FHIP1A: variants seen among roughly 807,000 people sequenced by gnomAD.
FHIP1A encodes the protein FHF complex subunit HOOK-interacting protein 1A.
In FHIP1A, 61 loss-of-function variants were observed where a neutral mutation model predicts 88.6. The observed-to-expected ratio is 0.69, with a 90% confidence interval of 0.56 to 0.85. FHIP1A has a LOEUF of 0.85. FHIP1A is among the 40% of genes least tolerant of loss of function. The probability of loss-of-function intolerance (pLI) is 0.00; values close to 1 mark genes in which losing one functional copy is unlikely to be tolerated. For missense variants in FHIP1A, 1,154 were observed against 1,273.5 expected, an observed-to-expected ratio of 0.91 and a Z score of 1.43; for synonymous variants, 478 against 496.0, an observed-to-expected ratio of 0.96 and a Z score of 0.48.
At chr4:151,539,350 G>A (rs1197033985) in intron 3 of FHIP1A, among the ~76,000 whole-genome samples, 1 of 152,126 alleles carries the variant, frequency 6.6e-6, no homozygotes, top group Non-Finnish European at 1.5e-5. Flanking sequence ...GGGAGGCTGA[G>A]GCAGGTGGAT....
At chr4:151,523,233 G>GT (rs199879909) in intron 3 of FHIP1A, among the ~76,000 whole-genome samples, 4 of 151,872 alleles carry the variant, frequency 2.6e-5, no homozygotes, top group African/African-American at 4.8e-5. Flanking sequence ...ATATTTCAGG[G>GT]TTTTTTTTGG....
At chr4:151,543,505 A>C (rs972785779) in intron 3 of FHIP1A, among the ~76,000 whole-genome samples, 4 of 152,214 alleles carry the variant, frequency 2.6e-5, no homozygotes, top group Admixed American at 2.6e-4. Flanking sequence ...TGGAATATGG[A>C]GACACCAAAG....
intron 4 of FHIP1A, among the ~76,000 whole-genome samples, chr4:151,567,585 G>A (rs973435222): frequency 1.5e-4 from 23 of 152,040 alleles, no homozygotes; most frequent in African/African-American, 5.1e-4. Context: ...ATAACCTTTG[G>A]CTTTGCACTT....
Position 151,649,819 on chromosome 4 carries a change from T to C in FHIP1A, c.1778T>C (p.Val593Ala), listed in dbSNP as rs1383218594. Residue 593 changes from valine (V) to alanine (A), a missense_variant, in exon 11 of 14, where the codon GTG (valine) becomes GCG (alanine). Transcript: ENST00000435205. ...YDTGISSGADVGSPGPYDDLE... is the reference protein window; with the variant it reads ...YDTGISSGADAGSPGPYDDLE... Reference sequence around the variant, plus strand: ...ACTGGAATCTCCTCAGGGGCTGACGTGGGCTCCCCAGGGCCTTATGATGAT... The same window carrying C: ...ACTGGAATCTCCTCAGGGGCTGACGCGGGCTCCCCAGGGCCTTATGATGAT... 11 of 1,551,650 alleles carry C rather than the reference T, an allele frequency of 7.1e-6. No individual in the cohort carries two copies. The highest frequency in any genetic ancestry group is 6.8e-5 in the African/African-American group (5 of 73,146).
At chr4:151,483,428 G>A (rs1408240334) in intron 3 of FHIP1A, among the ~76,000 whole-genome samples, 1 of 152,086 alleles carries the variant, frequency 6.6e-6, no homozygotes, top group East Asian at 1.9e-4. Flanking sequence ...GAATCAGAAT[G>A]GTAGGGGCAG....
At chr4:151,542,564 C>T (rs56319216) in intron 3 of FHIP1A, among the ~76,000 whole-genome samples, 42,802 of 152,026 alleles carry the variant, frequency 0.28, 6,397 homozygotes, top group Non-Finnish European at 0.34. Flanking sequence ...CCATGTTTAT[C>T]TGCCAGACTC....
At chr4:151,582,228 T>C (rs1170602766) in intron 5 of FHIP1A, among the ~76,000 whole-genome samples, 2 of 152,194 alleles carry the variant, frequency 1.3e-5, no homozygotes, top group African/African-American at 4.8e-5. Flanking sequence ...CCAGGTGTTA[T>C]GCTGCGAGCT....
chr4:151,458,437 C>T (rs1729040160), intron 2 of FHIP1A, among the ~76,000 whole-genome samples: 1 of 151,934 alleles, frequency 6.6e-6, no homozygotes, highest in Non-Finnish European at 1.5e-5. Flanking sequence ...TCACCAGGTA[C>T]TTTGGGAAGT....
chr4:151,649,447 C>T lies in FHIP1A; in HGVS notation c.1418-12C>T, dbSNP rs1433303384. The T allele has an allele frequency of 1.3e-6, 2 of 1,533,266 alleles. No homozygotes were observed. The highest frequency in any genetic ancestry group is 2.7e-5 in the African/African-American group (2 of 72,914). 95.0% of individuals were successfully genotyped at this position (1,533,266 alleles called of 1,614,324 possible). A position where few individuals can be genotyped will look rare whatever the true frequency, so the allele number is the denominator to read the frequency against. On this transcript the variant is annotated splice_polypyrimidine_tract_variant and intron_variant, in intron 10 of 13. Coordinates refer to ENST00000435205, the MANE Select transcript of FHIP1A (RefSeq NM_001109977.3). ...CCTCCCTTGTTCTAACCAGCCTCTG[C>T]CTCCTGTGCAGGGCCTGTGGAGCGG...
chr4:151,558,347 C>A (rs181884831), intron 3 of FHIP1A, among the ~76,000 whole-genome samples: 25 of 152,024 alleles, frequency 1.6e-4, no homozygotes, highest in African/African-American at 5.5e-4. Flanking sequence ...ACCAGCTTGG[C>A]CAACATAGTG....
chr4:151,639,537 C>T (rs1665283078), intron 9 of FHIP1A, among the ~76,000 whole-genome samples: 1 of 152,220 alleles, frequency 6.6e-6, no homozygotes, highest in South Asian at 2.1e-4. Context: ...CCCCGAATCT[C>T]TGCACAGAAC....
intron 3 of FHIP1A, among the ~76,000 whole-genome samples, chr4:151,558,674 A>G (rs886879406): frequency 7.9e-5 from 12 of 152,208 alleles, no homozygotes; most frequent in African/African-American, 2.4e-4. Flanking sequence ...AGCTACATTT[A>G]CTTTGACCGA....
chr4:151,413,579 C>G (rs575589284), intron 1 of FHIP1A, among the ~76,000 whole-genome samples: 4 of 152,088 alleles, frequency 2.6e-5, no homozygotes, highest in Admixed American at 2.6e-4. Context: ...CTCAACCTCC[C>G]GAGTAGCTGG....
chr4:151,575,176 G>A (rs1733739894), intron 4 of FHIP1A, among the ~76,000 whole-genome samples: 2 of 152,102 alleles, frequency 1.3e-5, no homozygotes, highest in Admixed American at 1.3e-4. Context: ...TTTACCCTGA[G>A]GCCTAGCTGT....
intron 1 of FHIP1A, among the ~76,000 whole-genome samples, chr4:151,449,641 A>T (rs1464984636): frequency 1.3e-5 from 2 of 151,980 alleles, no homozygotes; most frequent in Non-Finnish European, 2.9e-5. Context: ...CTCCTGTCTA[A>T]CTGTAACCTT....
intron 2 of FHIP1A, among the ~76,000 whole-genome samples, chr4:151,472,010 C>T (rs1399759438): frequency 6.6e-6 from 1 of 152,062 alleles, no homozygotes; most frequent in Non-Finnish European, 1.5e-5. Flanking sequence ...TTTATCTTCT[C>T]ATTGATCGAT....
intron 7 of FHIP1A, among the ~76,000 whole-genome samples, chr4:151,604,766 T>C (rs1735007191): frequency 6.6e-6 from 1 of 151,854 alleles, no homozygotes; most frequent in Non-Finnish European, 1.5e-5. Flanking sequence ...GGAGAATTGC[T>C]TGAACCCAGG....
At chr4:151,657,824 A>G (rs1215736569) in intron 13 of FHIP1A, among the ~76,000 whole-genome samples, 1 of 152,186 alleles carries the variant, frequency 6.6e-6, no homozygotes, top group Admixed American at 6.5e-5. Context: ...CCTTTCAAAG[A>G]AGCTGAAAAG....
At chr4:151,638,423 T>C (rs1034192165) in intron 8 of FHIP1A, among the ~76,000 whole-genome samples, 1 of 151,892 alleles carries the variant, frequency 6.6e-6, no homozygotes, top group East Asian at 1.9e-4. Context: ...GTTGGAAATA[T>C]GAGCCCAGAC....
Sources: allele counts gnomAD v4.1 joint callset (sites outside exome capture counted in the v4.1 genomes callset), GRCh38; gene constraint gnomAD v4.1.1; transcripts MANE v1.5; gene names NCBI Gene and HGNC (gene_info 2026-07-23, HGNC 2026-07-21).